PDE4D: variants seen among roughly 807,000 people sequenced by gnomAD.
PDE4D encodes 3',5'-cyclic-AMP phosphodiesterase 4D.
PDE4D carries 24 observed loss-of-function variants against 87.4 expected under a neutral mutation model. The ratio of observed to expected loss-of-function variants is 0.27; its 90% confidence interval spans 0.20 to 0.39. The LOEUF is 0.39. Among genes scored for constraint, PDE4D ranks in the 10% least tolerant of loss-of-function variants. PDE4D has a pLI of 1.00. For synonymous variants in PDE4D, 384 were observed against 383.2 expected, an observed-to-expected ratio of 1.00 and a Z score of -0.02; for missense variants, 714 against 1,041.0, an observed-to-expected ratio of 0.69 and a Z score of 4.32.
At position 59,920,980 on chromosome 5, in the gene PDE4D, G is replaced by A. The variant is rs1005305803; in HGVS notation, c.272+67508C>T. Reference sequence around the variant, plus strand: ...GTATACCTATGTAACAAACCTGCACGTTGTGCACATGTACCCTAGAACTTA... The same window carrying A: ...GTATACCTATGTAACAAACCTGCACATTGTGCACATGTACCCTAGAACTTA... On this transcript the variant is annotated intron_variant, in intron 3 of 16. Transcript: ENST00000502484. Among the ~76,000 whole-genome samples, 3 of 152,052 alleles carry A rather than the reference G, an allele frequency of 2.0e-5. 1 individual carries two copies. The highest frequency in any genetic ancestry group is 6.3e-3 in the Middle Eastern group (2 of 316).
rs991157026 is a variant in PDE4D, at chr5:59,846,169, A to G, written c.455+46999T>C. On this transcript the variant is annotated intron_variant, in intron 1 of 14. Coordinates refer to ENST00000340635, the MANE Select transcript of PDE4D (RefSeq NM_001104631.2). Reference sequence around the variant, plus strand: ...AATTAAAAATCACTAGATTATATGCAAAACTGCCTGTTTATTTACCTTACC... The same window carrying G: ...AATTAAAAATCACTAGATTATATGCGAAACTGCCTGTTTATTTACCTTACC... Among the ~76,000 whole-genome samples the G allele has an allele frequency of 1.5e-4, 23 of 152,184 alleles. 1 individual carries two copies. The highest frequency in any genetic ancestry group is 5.5e-4 in the African/African-American group (23 of 41,558).
intron 2 of PDE4D, among the ~76,000 whole-genome samples, chr5:60,149,698 C>A (rs571648431): frequency 8.6e-5 from 13 of 151,694 alleles, no homozygotes; most frequent in Non-Finnish European, 1.9e-4. Flanking sequence ...AGACTTTGGA[C>A]ACAGAGTGAA....
chr5:59,506,287 C>A (rs1253056996), intron 1 of PDE4D, among the ~76,000 whole-genome samples: 2 of 152,004 alleles, frequency 1.3e-5, no homozygotes, highest in Non-Finnish European at 2.9e-5. Context: ...ACAGATTTCC[C>A]ATATGTAACA....
chr5:59,989,087 CATAT>C lies in PDE4D; in HGVS notation c.43-374_43-371del, dbSNP rs541522751. Among the ~76,000 whole-genome samples the C allele has an allele frequency of 1.5e-3, 151 of 100,418 alleles. 1 individual carries two copies. Among genetic ancestry groups the C allele is most frequent in the Non-Finnish European group, 2.2e-3 (106 of 49,046 alleles). 65.9% of individuals were successfully genotyped at this position (100,418 alleles called of 152,430 possible). A position where few individuals can be genotyped will look rare whatever the true frequency, so the allele number is the denominator to read the frequency against. On this transcript the variant is annotated intron_variant, in intron 2 of 16. Coordinates refer to the PDE4D transcript ENST00000502484. ...TATATACATTGACATATGCATGTGT[CATAT>C]ATATATATATATATATATATATATA...
chr5:59,701,557 G>A (rs1561502619), intron 1 of PDE4D, among the ~76,000 whole-genome samples: 1 of 152,212 alleles, frequency 6.6e-6, no homozygotes, highest in East Asian at 1.9e-4. Flanking sequence ...TAAGCACAAT[G>A]GAGAAAATGC....
chr5:60,013,224 C>T (rs1765183014), intron 2 of PDE4D, among the ~76,000 whole-genome samples: 1 of 152,168 alleles, frequency 6.6e-6, no homozygotes, highest in Non-Finnish European at 1.5e-5. Flanking sequence ...TCTCAAACTT[C>T]CACCTCTCCC....
At chr5:59,359,601 G>GA (rs1324686309) in intron 1 of PDE4D, among the ~76,000 whole-genome samples, 3 of 151,886 alleles carry the variant, frequency 2.0e-5, no homozygotes, top group South Asian at 2.1e-4. Flanking sequence ...TAGACATTTG[G>GA]AAAAAATAAG....
intron 1 of PDE4D, chr5:60,372,464 T>C (rs1005675070): frequency 6.6e-6 from 1 of 152,284 alleles, no homozygotes; most frequent in African/African-American, 2.4e-5. Context: ...GCCTCTTTTC[T>C]CCTGCAATAT....
intron 1 of PDE4D, among the ~76,000 whole-genome samples, chr5:60,316,520 A>G (rs1477173451): frequency 6.6e-6 from 1 of 152,140 alleles, no homozygotes; most frequent in Non-Finnish European, 1.5e-5. Context: ...TTCTAACACT[A>G]TGTTGAGTAG....
chr5:59,013,915 A>G (rs1753399120), intron 6 of PDE4D, among the ~76,000 whole-genome samples: 1 of 152,110 alleles, frequency 6.6e-6, no homozygotes, highest in Non-Finnish European at 1.5e-5. Context: ...CTGGCAAACC[A>G]AATCCAGCAG....
At chr5:60,248,969 G>A (rs1486110415) in intron 1 of PDE4D, among the ~76,000 whole-genome samples, 1 of 152,028 alleles carries the variant, frequency 6.6e-6, no homozygotes, top group East Asian at 1.9e-4. Flanking sequence ...CAAAAATTGA[G>A]CATGTGGCTC....
chr5:59,787,739 A>T (rs1440700884), intron 1 of PDE4D, among the ~76,000 whole-genome samples: 1 of 152,214 alleles, frequency 6.6e-6, no homozygotes, highest in Non-Finnish European at 1.5e-5. Flanking sequence ...ATTCAGTGAC[A>T]TTTAAAATTT....
chr5:59,501,928 G>A (rs1808357796), intron 1 of PDE4D, among the ~76,000 whole-genome samples: 1 of 152,124 alleles, frequency 6.6e-6, no homozygotes. Flanking sequence ...GCATGAGAAT[G>A]TTTATGATAG....
At chr5:59,035,069 C>T (rs1455971551) in intron 6 of PDE4D, among the ~76,000 whole-genome samples, 1 of 152,236 alleles carries the variant, frequency 6.6e-6, no homozygotes, top group South Asian at 2.1e-4. Flanking sequence ...CGCTGTCCTG[C>T]TCTCCTCTCT....
Position 59,893,170 on chromosome 5 carries a change from C to T in PDE4D, c.453G>A (p.Arg151=). ...MSWPSSFQGL[R]RFDVDNGTSA... Reference sequence around the variant, plus strand: ...GGGAGGGGGCGCTCTCCACTCACCGCCTGAGTCCCTGGAACGAGGAGGGCC... The same window carrying T: ...GGGAGGGGGCGCTCTCCACTCACCGTCTGAGTCCCTGGAACGAGGAGGGCC... The change falls in exon 1 of 15, where the codon AGG becomes AGA. Residue 151 remains arginine (R), a splice_region_variant and synonymous_variant. Transcript: ENST00000340635. The T allele has an allele frequency of 1.3e-6, 2 of 1,558,686 alleles. No homozygotes were observed. Among genetic ancestry groups the T allele is most frequent in the African/African-American group, 1.4e-5 (1 of 73,670 alleles).
intron 1 of PDE4D, among the ~76,000 whole-genome samples, chr5:59,876,244 G>C (rs1369286): frequency 6.6e-6 from 1 of 152,000 alleles, no homozygotes; most frequent in Admixed American, 6.5e-5. Context: ...TCTGTGCAAA[G>C]CTTCTAGGAG....
chr5:58,988,598 A>T lies in PDE4D; in HGVS notation c.1453-6T>A. 1 of 1,395,404 alleles carries T rather than the reference A, an allele frequency of 7.2e-7. No individual in the cohort carries two copies. The highest frequency in any genetic ancestry group is 9.8e-7 in the Non-Finnish European group (1 of 1,024,750). 86.4% of individuals were successfully genotyped at this position (1,395,404 alleles called of 1,614,324 possible). On this transcript the variant is annotated splice_region_variant and splice_polypyrimidine_tract_variant and intron_variant, in intron 10 of 14. Transcript: ENST00000340635. ...TCCAAATCTGTAAACACAGCCTGGA[A>T]AATCAGACAATATAGATAATATTAC...
At chr5:60,034,728 C>T (rs1323329613) in intron 2 of PDE4D, among the ~76,000 whole-genome samples, 7 of 152,100 alleles carry the variant, frequency 4.6e-5, no homozygotes, top group Non-Finnish European at 8.8e-5. Flanking sequence ...TTATCATTTC[C>T]GCATGTTATT....
chr5:59,232,005 G>T (rs1755315362), intron 1 of PDE4D, among the ~76,000 whole-genome samples: 1 of 152,140 alleles, frequency 6.6e-6, no homozygotes, highest in South Asian at 2.1e-4. Flanking sequence ...CCTGACACAT[G>T]AATTTGTCTC....
Sources: allele counts gnomAD v4.1 joint callset (sites outside exome capture counted in the v4.1 genomes callset), GRCh38; gene constraint gnomAD v4.1.1; transcripts MANE v1.5; gene names NCBI Gene and HGNC (gene_info 2026-07-23, HGNC 2026-07-21).